The following CSMD3 variants were observed in gnomAD, a reference collection of about 807,000 sequenced individuals.
CSMD3 encodes CUB and Sushi multiple domains 3, also known as CUB and sushi domain-containing protein 3.
Under a neutral mutation model 435.2 loss-of-function variants are expected in CSMD3, and 177 were observed. The ratio of observed to expected loss-of-function variants is 0.41; its 90% CI spans 0.36 to 0.46. CSMD3 has a LOEUF of 0.46. Ranked by LOEUF, CSMD3 falls within the 20% of genes least tolerant of loss-of-function variation. The pLI is 0.34. For synonymous variants in CSMD3, 1,656 were observed against 1,520.5 expected (o/e 1.09, Z -2.07); for missense variants, 4,265 against 4,504.6 (o/e 0.95, Z 1.52).
chr8:112,407,893 G>A (rs950247951), intron 34 of CSMD3, among the ~76,000 whole-genome samples: 1 of 151,988 alleles, frequency 6.6e-6, no homozygotes, highest in Admixed American at 6.6e-5. Flanking sequence ...CTGAGAGAAT[G>A]AGAAACTATA....
chr8:112,465,398 A>G (rs1029189929), intron 32 of CSMD3, among the ~76,000 whole-genome samples: 8 of 152,274 alleles, frequency 5.3e-5, no homozygotes, highest in Non-Finnish European at 7.4e-5. Context: ...GGGATAGAAT[A>G]CTGTGGCCCA....
intron 10 of CSMD3, among the ~76,000 whole-genome samples, chr8:112,907,604 G>C (rs1390463755): frequency 6.6e-6 from 1 of 151,180 alleles, no homozygotes; most frequent in Non-Finnish European, 1.5e-5. Flanking sequence ...CTGAACTCAG[G>C]TCCTCTTAAG....
Position 112,640,260 on chromosome 8 carries a change from C to T in CSMD3, c.3311-1349G>A, listed in dbSNP as rs139424358. On this transcript the variant is annotated intron_variant, in intron 20 of 70. Transcript: ENST00000297405. ...GCCATCTGAAATAAAAAATGGCTAC[C>T]ACAGGGATCCTTCCCTTGAGGTGCT... is the stretch of plus-strand genomic sequence containing the variant. Among the ~76,000 whole-genome samples, 109 of 152,142 alleles carry T rather than the reference C, an allele frequency of 7.2e-4. 1 individual carries two copies. The highest frequency in any genetic ancestry group is 1.2e-3 in the Non-Finnish European group (80 of 67,976).
At chr8:113,011,313 A>C (rs963707388) in intron 6 of CSMD3, among the ~76,000 whole-genome samples, 1 of 151,870 alleles carries the variant, frequency 6.6e-6, no homozygotes, top group Non-Finnish European at 1.5e-5. Flanking sequence ...AAAATGTTTT[A>C]CTAGAAATTG....
chr8:113,180,905 T>G (rs1170869039), intron 3 of CSMD3, among the ~76,000 whole-genome samples: 1 of 152,020 alleles, frequency 6.6e-6, no homozygotes, highest in Non-Finnish European at 1.5e-5. Context: ...CAGACCTCAC[T>G]GGGATGCTGG....
At chr8:113,358,931 GT>G (rs1250506528) in intron 1 of CSMD3, among the ~76,000 whole-genome samples, 6 of 151,928 alleles carry the variant, frequency 3.9e-5, no homozygotes, top group Non-Finnish European at 7.4e-5. Context: ...TGGCAATTTT[GT>G]GCCACATAGC....
Position 112,388,518 on chromosome 8 carries a change from G to A in CSMD3, c.5934+2146C>T, listed in dbSNP as rs572101379. Among the ~76,000 whole-genome samples the A allele has an allele frequency of 2.6e-5, 4 of 152,260 alleles. No individual in the cohort carries two copies. In the South Asian group the frequency reaches 6.2e-4, roughly 24 times the overall value. ...AGAAAAGAATCAAAATTTCTGACTT[G>A]TGTAACTTAATGGATGAGGAAGTTG... On this transcript the variant is annotated intron_variant, in intron 36 of 70. Coordinates refer to ENST00000297405, the MANE Select transcript of CSMD3 (RefSeq NM_198123.2).
At chr8:113,424,670 G>C (rs1356172704) in intron 1 of CSMD3, among the ~76,000 whole-genome samples, 3 of 151,216 alleles carry the variant, frequency 2.0e-5, no homozygotes, top group Non-Finnish European at 4.5e-5. Flanking sequence ...AATACATGTG[G>C]GATCTTCATT....
chr8:113,167,432 C>A (rs2092174329), intron 4 of CSMD3, among the ~76,000 whole-genome samples: 2 of 152,078 alleles, frequency 1.3e-5, no homozygotes, highest in Admixed American at 1.3e-4. Flanking sequence ...TAATACATGG[C>A]AGAAATATAA....
intron 22 of CSMD3, among the ~76,000 whole-genome samples, chr8:112,624,878 A>C (rs1381587850): frequency 6.6e-6 from 1 of 152,010 alleles, no homozygotes; most frequent in Non-Finnish European, 1.5e-5. Context: ...ATGCCCATTA[A>C]ATTTAAGCAA....
chr8:113,377,240 A>G, intron 1 of CSMD3: 1 of 693,120 alleles, frequency 1.4e-6, no homozygotes, highest in Non-Finnish European at 1.9e-6. Flanking sequence ...CCGAGGATAC[A>G]AAAACAAACC....
chr8:112,543,755 G>A (rs1417788312), intron 27 of CSMD3, among the ~76,000 whole-genome samples: 1 of 152,070 alleles, frequency 6.6e-6, no homozygotes, highest in African/African-American at 2.4e-5. Flanking sequence ...TAAAAATGAG[G>A]ATCTCGAGGA....
intron 3 of CSMD3, among the ~76,000 whole-genome samples, chr8:113,178,168 A>G (rs1176454909): frequency 1.3e-5 from 2 of 151,940 alleles, no homozygotes; most frequent in Non-Finnish European, 2.9e-5. Context: ...CAGCTTTGAT[A>G]GGCATTTGGG....
intron 32 of CSMD3, among the ~76,000 whole-genome samples, chr8:112,428,847 C>T (rs145852548): frequency 1.3e-5 from 2 of 152,242 alleles, no homozygotes; most frequent in African/African-American, 4.8e-5. Context: ...GGCATTAATA[C>T]TGGCACCACC....
At chr8:112,287,042 T>G (rs750765932) in intron 58 of CSMD3, 22 bp downstream of exon 58, 1 of 1,599,180 alleles carries the variant, frequency 6.3e-7, no homozygotes, top group African/African-American at 1.3e-5. Flanking sequence ...TTGCAATATA[T>G]TTAATTTCTG....
Position 112,420,391 on chromosome 8 carries a change from T to A in CSMD3, c.5396-11359A>T, listed in dbSNP as rs187307845. The stretch of plus-strand genomic sequence containing the variant: ...AAAACTTTAAAAAATAGCCACAATA[T>A]AATTACCAGATCTAACAAATTTAAT... On this transcript the variant is annotated intron_variant, in intron 32 of 70. Coordinates refer to ENST00000297405, the MANE Select transcript of CSMD3 (RefSeq NM_198123.2). Among the ~76,000 whole-genome samples, 71 of 152,266 alleles carry A rather than the reference T, an allele frequency of 4.7e-4. 1 individual carries two copies. The East Asian group carries it at 0.013, about 29-fold the overall frequency.
At chr8:112,483,241 A>G (rs536158944) in intron 31 of CSMD3, among the ~76,000 whole-genome samples, 1 of 152,294 alleles carries the variant, frequency 6.6e-6, no homozygotes, top group East Asian at 1.9e-4. Flanking sequence ...ACATAATCCT[A>G]GAGCTCTGGG....
chr8:112,838,976 A>G (rs765546561), intron 11 of CSMD3, among the ~76,000 whole-genome samples: 14 of 151,802 alleles, frequency 9.2e-5, no homozygotes, highest in Non-Finnish European at 1.6e-4. Context: ...TTTAGAGAAA[A>G]TAATAAATAT....
At chr8:112,414,804 T>C (rs1811730257) in intron 32 of CSMD3, among the ~76,000 whole-genome samples, 1 of 152,194 alleles carries the variant, frequency 6.6e-6, no homozygotes, top group African/African-American at 2.4e-5. Flanking sequence ...ATGAGAAACT[T>C]GTTGAGAACT....
Sources: allele counts gnomAD v4.1 joint callset (sites outside exome capture counted in the v4.1 genomes callset), GRCh38; gene constraint gnomAD v4.1.1; transcripts MANE v1.5; gene names NCBI Gene and HGNC (gene_info 2026-07-23, HGNC 2026-07-21).